Variants in NCKAP5 observed in about 807,000 individuals in gnomAD.
NCKAP5 encodes NCK associated protein 5, also known as nck-associated protein 5.
A neutral mutation model predicts 167.0 loss-of-function variants in NCKAP5; 92 were observed. That is an observed-to-expected ratio of 0.55 (90% confidence interval 0.47 to 0.66). The LOEUF (loss-of-function observed/expected upper bound fraction) is 0.66. NCKAP5 is among the 30% of genes least tolerant of loss of function. NCKAP5 has a pLI of 0.00. For synonymous variants in NCKAP5, 891 were observed against 877.4 expected (o/e 1.02, Z -0.27); for missense variants, 2,378 against 2,315.0 (o/e 1.03, Z -0.56).
chr2:132,859,876 A>G (rs1289770713), intron 11 of NCKAP5, among the ~76,000 whole-genome samples: 1 of 152,172 alleles, frequency 6.6e-6, no homozygotes, highest in Admixed American at 6.5e-5. Flanking sequence ...CATATTCTCT[A>G]GTGCTTTGTC....
upstream of NCKAP5, among the ~76,000 whole-genome samples, chr2:133,571,532 G>A (rs75916316): frequency 0.019 from 2,825 of 152,210 alleles, 106 homozygotes; most frequent in African/African-American, 0.065. Context: ...GGAGAAGGAC[G>A]GCTGGGTGAC....
chr2:132,916,621 C>T (rs571804638), intron 8 of NCKAP5, among the ~76,000 whole-genome samples: 11 of 152,098 alleles, frequency 7.2e-5, no homozygotes, highest in African/African-American at 2.2e-4. Context: ...TATTAATGGA[C>T]ATTTATTGCT....
chr2:133,263,072 C>G (rs1424432133), intron 4 of NCKAP5, among the ~76,000 whole-genome samples: 1 of 152,178 alleles, frequency 6.6e-6, no homozygotes, highest in East Asian at 1.9e-4. Flanking sequence ...ACTAAAGTCC[C>G]TTGCCAGAAG....
chr2:132,905,348 T>G (rs1574583014), intron 8 of NCKAP5, among the ~76,000 whole-genome samples: 1 of 152,182 alleles, frequency 6.6e-6, no homozygotes, highest in Admixed American at 6.5e-5. Flanking sequence ...TCACACAGTT[T>G]TAATTACTGT....
intron 4 of NCKAP5, among the ~76,000 whole-genome samples, chr2:133,296,813 T>C (rs1034807198): frequency 2.6e-5 from 4 of 152,208 alleles, no homozygotes; most frequent in Non-Finnish European, 5.9e-5. Flanking sequence ...CTTCCTATTG[T>C]GTAGTATTAT....
At chr2:133,223,005 C>T (rs935133120) in intron 4 of NCKAP5, among the ~76,000 whole-genome samples, 17 of 152,090 alleles carry the variant, frequency 1.1e-4, no homozygotes, top group African/African-American at 3.6e-4. Context: ...GGAAAACCAC[C>T]ATTACAAATT....
chr2:132,837,742 G>C (rs1687997569), intron 11 of NCKAP5, among the ~76,000 whole-genome samples: 1 of 152,294 alleles, frequency 6.6e-6, no homozygotes, highest in East Asian at 1.9e-4. Context: ...TCAAAAAACT[G>C]ATGATTAGAA....
intron 5 of NCKAP5, among the ~76,000 whole-genome samples, chr2:133,190,470 T>C (rs1267369109): frequency 2.0e-5 from 3 of 152,212 alleles, no homozygotes; most frequent in Admixed American, 6.5e-5. Flanking sequence ...AAGACAATCC[T>C]AAGCCAAAAG....
At chr2:133,628,437 G>C in the NCKAP5 span, among the ~76,000 whole-genome samples, 54 of 152,208 alleles carry the variant, frequency 3.5e-4, no homozygotes, top group African/African-American at 1.1e-3. Context: ...AGCTAACAAG[G>C]GAAGTGAAGG....
At chr2:133,072,398 G>C (rs1184637101) in intron 6 of NCKAP5, among the ~76,000 whole-genome samples, 1 of 151,970 alleles carries the variant, frequency 6.6e-6, no homozygotes, top group Admixed American at 6.6e-5. Flanking sequence ...GAGCACTGCT[G>C]TGCCTCTCCA....
chr2:133,376,818 G>T (rs1349603924), intron 3 of NCKAP5, among the ~76,000 whole-genome samples: 3 of 152,212 alleles, frequency 2.0e-5, no homozygotes, highest in African/African-American at 7.2e-5. Flanking sequence ...CTGAGCCACA[G>T]CAGTGCTAGA....
At chr2:132,746,697 C>A (rs568472224) in intron 16 of NCKAP5, among the ~76,000 whole-genome samples, 18 of 152,136 alleles carry the variant, frequency 1.2e-4, no homozygotes, top group African/African-American at 4.1e-4. Context: ...CACATAATAG[C>A]CCCAACCGGA....
At chr2:132,879,763 T>C (rs1160640384) in intron 8 of NCKAP5, among the ~76,000 whole-genome samples, 1 of 152,214 alleles carries the variant, frequency 6.6e-6, no homozygotes, top group Non-Finnish European at 1.5e-5. Context: ...AAATCCTCCT[T>C]GACATTTGGA....
At chr2:132,715,424 A>C (rs928988384) in intron 19 of NCKAP5, among the ~76,000 whole-genome samples, 1 of 151,450 alleles carries the variant, frequency 6.6e-6, no homozygotes, top group African/African-American at 2.4e-5. Context: ...CAAATATAAA[A>C]CTCTAAGGTC....
rs199970223 is a variant in NCKAP5, at chr2:132,863,447, G to A, written c.688-2836C>T. 8.2e-4 allele frequency among the ~76,000 whole-genome samples: 75 copies of A among 92,004 alleles called. No homozygotes were observed. The East Asian group carries it at 0.032, about 40-fold the overall frequency. 60.4% of individuals were successfully genotyped at this position (92,004 alleles called of 152,430 possible). A position where few individuals can be genotyped will look rare whatever the true frequency, so the allele number is the denominator to read the frequency against. On this transcript the variant is annotated intron_variant, in intron 10 of 19. Coordinates refer to ENST00000409261, the MANE Select transcript of NCKAP5 (RefSeq NM_207363.3). ...TACCTTGAAAGAGTTCTTCAGATGG[G>A]TAAAAAAAAAAAAAAAAGAAAAAGA...
At chr2:132,816,407 T>A (rs964237171) in intron 11 of NCKAP5, among the ~76,000 whole-genome samples, 3 of 152,166 alleles carry the variant, frequency 2.0e-5, no homozygotes, top group African/African-American at 7.2e-5. Context: ...ACAGTTGCTT[T>A]ACAGTCAGAA....
chr2:133,602,997 G>A, the NCKAP5 span, among the ~76,000 whole-genome samples: 198 of 152,300 alleles, frequency 1.3e-3, no homozygotes, highest in African/African-American at 4.5e-3. Context: ...GGAAGCAGAT[G>A]AAACATCTTC....
Position 132,785,435 on chromosome 2 carries a change from C to T in NCKAP5, c.1376G>A (p.Ser459Asn), listed in dbSNP as rs780175056. Residue 459 changes from serine to asparagine, a missense_variant, in exon 14 of 20, where the codon AGC becomes AAC. Coordinates refer to ENST00000409261, the MANE Select transcript of NCKAP5 (RefSeq NM_207363.3). ...TGTCTTGTGGGGTTCCTTGCAGGGGCTCCCCAGGTCAGCTGTTTTGCAGGG... is the reference window on the plus strand; with the variant it reads ...TGTCTTGTGGGGTTCCTTGCAGGGGTTCCCCAGGTCAGCTGTTTTGCAGGG... Reference protein sequence around the residue: ...YPPCKTADLGSPCKEPHKTFV... With the variant: ...YPPCKTADLGNPCKEPHKTFV... 1.2e-6 allele frequency: 2 copies of T among 1,613,804 alleles called. No homozygotes were observed. Among genetic ancestry groups the T allele is most frequent in the South Asian group, 1.1e-5 (1 of 91,076 alleles).
chr2:132,700,524 G>A (rs564637615), intron 19 of NCKAP5, among the ~76,000 whole-genome samples: 4 of 152,280 alleles, frequency 2.6e-5, no homozygotes, highest in Non-Finnish European at 5.9e-5. Context: ...AAGGGATCCA[G>A]TTTCAGCTTT....
Sources: allele counts gnomAD v4.1 joint callset (sites outside exome capture counted in the v4.1 genomes callset), GRCh38; gene constraint gnomAD v4.1.1; transcripts MANE v1.5; gene names NCBI Gene and HGNC (gene_info 2026-07-23, HGNC 2026-07-21).